Variants in EP400 observed in about 807,000 individuals in gnomAD.
EP400 encodes E1A-binding protein p400.
In EP400, 105 loss-of-function variants were observed where a neutral mutation model predicts 354.1. The observed-to-expected ratio is 0.30, with a 90% CI of 0.25 to 0.35. The LOEUF (loss-of-function observed/expected upper bound fraction) is 0.35, where lower values mean the gene tolerates loss of function less well. EP400 is among the 10% of genes least tolerant of loss of function. The pLI is 1.00. For missense variants in EP400, 3,280 were observed against 4,121.0 expected, an observed-to-expected ratio of 0.80 and a Z score of 5.59; for synonymous variants, 1,646 against 1,716.9, an observed-to-expected ratio of 0.96 and a Z score of 1.02.
At chr12:132,058,139 G>C (rs1274103037) in intron 45 of EP400, among the ~76,000 whole-genome samples, 2 of 151,760 alleles carry the variant, frequency 1.3e-5, no homozygotes, top group Non-Finnish European at 2.9e-5. Flanking sequence ...CTGAATGCAG[G>C]GCCAGTCTTG....
chr12:131,986,073 C>G (rs2136497520), intron 5 of EP400, among the ~76,000 whole-genome samples: 1 of 152,290 alleles, frequency 6.6e-6, no homozygotes, highest in South Asian at 2.1e-4. Flanking sequence ...CTCCCAGGCT[C>G]AAGCAGTCCT....
chr12:132,050,895 G>A lies in EP400; in HGVS notation c.7394+240G>A. 1 of 583,498 alleles carries A rather than the reference G, an allele frequency of 1.7e-6. No homozygotes were observed. 36.1% of individuals were successfully genotyped at this position (583,498 alleles called of 1,614,324 possible). ...GATTGTCCTTGCTGGCCCTCAGTGG[G>A]GAAAGACGCTGACAGATGTGATGAG... On this transcript the variant is annotated intron_variant, in intron 41 of 52. Coordinates refer to ENST00000389561, the MANE Select transcript of EP400 (RefSeq NM_015409.5). The surrounding 1 kb of genome is among the most constrained non-coding windows in gnomAD (Gnocchi z 4.8).
In EP400 at chr12:132,067,180, T is replaced by A; in HGVS notation, c.8750-182T>A. ...TGTTAACATTCTGAAATTTCCGTCT[T>A]AATTTAAGTGTAATTTGTGAACCCA... On this transcript the variant is annotated intron_variant, in intron 49 of 52. Transcript: ENST00000389561. The surrounding 1 kb of genome is among the most constrained non-coding windows in gnomAD (Gnocchi z 5.3). 1 of 1,178,912 alleles carries A rather than the reference T, an allele frequency of 8.5e-7. No homozygotes were observed. The highest frequency in any genetic ancestry group is 1.2e-6 in the Non-Finnish European group (1 of 846,698). The allele number at this position is 1,178,912 out of a possible 1,614,324, so 73.0% of individuals were successfully genotyped here. A position where few individuals can be genotyped will look rare whatever the true frequency, so the allele number is the denominator to read the frequency against.
intron 51 of EP400, among the ~76,000 whole-genome samples, chr12:132,069,906 C>T (rs1012048887): frequency 6.6e-6 from 1 of 152,192 alleles, no homozygotes; most frequent in African/African-American, 2.4e-5. Flanking sequence ...CAGCTGCCCT[C>T]TCCCAGTTCC....
Position 132,005,253 on chromosome 12 carries a change from A to AT in EP400, c.2935+70dup. On this transcript the variant is annotated intron_variant, in intron 13 of 52. Coordinates refer to ENST00000389561, the MANE Select transcript of EP400 (RefSeq NM_015409.5). ...GCCGGAGTACTTACAAAGACTTAAA[A>AT]TAAGATTTAGAAAATTTCTTTTAGT... 6.0e-6 allele frequency: 7 copies of AT among 1,164,716 alleles called. No individual in the cohort carries two copies. In the South Asian group the frequency reaches 1.3e-4, roughly 22 times the overall value. The allele number at this position is 1,164,716 out of a possible 1,614,324, so 72.1% of individuals were successfully genotyped here.
Position 132,032,025 on chromosome 12 carries a change from G to C in EP400, c.5827G>C (p.Gly1943Arg). 6.2e-7 allele frequency: 1 copy of C among 1,614,204 alleles called. No individual in the cohort carries two copies. The change falls in exon 30 of 53, where the codon GGT becomes CGT. Residue 1943 changes from glycine to arginine, a missense_variant. By Grantham distance (125) the Gly-to-Arg change is moderately radical (BLOSUM62 -2). Coordinates refer to ENST00000389561, the MANE Select transcript of EP400 (RefSeq NM_015409.5). Reference sequence around the variant, plus strand: ...TCTCTCCACTCACAGCCGTACCACAGGTATAAACCTTGTAGAGGCGGACAC... The same window carrying C: ...TCTCTCCACTCACAGCCGTACCACACGTATAAACCTTGTAGAGGCGGACAC... ...AILSTHSRTTGINLVEADTVV... is the reference protein window; with the variant it reads ...AILSTHSRTTRINLVEADTVV...
At chr12:131,957,126 C>CA (rs1365572844) in intron 1 of EP400, among the ~76,000 whole-genome samples, 1 of 152,110 alleles carries the variant, frequency 6.6e-6, no homozygotes, top group Non-Finnish European at 1.5e-5. Flanking sequence ...CCACCTCAGC[C>CA]TCCCAAAGTG....
Position 131,960,707 on chromosome 12 carries a change from G to GGGGCCCCCCCCCCC in EP400, c.88_89insGGGCCCCCCCCCCC (p.Ala30GlyfsTer37). 1.3e-6 allele frequency: 2 copies of GGGGCCCCCCCCCCC among 1,545,588 alleles called. No homozygotes were observed. The highest frequency in any genetic ancestry group is 1.7e-6 in the Non-Finnish European group (2 of 1,146,244). On this transcript the variant is annotated frameshift_variant, in exon 2 of 53. Transcript: ENST00000389561. LOFTEE classifies it high-confidence loss of function. ...TGGCAGCGAGGGTGAGGAGCAGCCG[G>GGGGCCCCCCCCCCC]CCCACCCCAACCCACCCCCGTCCCC...
intron 51 of EP400, 187 bp from the exon 52 acceptor site, chr12:132,076,329 G>T: frequency 1.5e-6 from 1 of 664,556 alleles, no homozygotes; most frequent in Non-Finnish European, 2.8e-6. Context: ...GCAGTCAGTT[G>T]ACTCACCATG....
At position 132,030,178 on chromosome 12, in the gene EP400, C is replaced by T; in HGVS notation, c.5754+20C>T. ...CGGCAGGTGAGAAGCACATTGTTTA[C>T]ATTGTCTCTGATGGGTCAGTCACTG... On this transcript the variant is annotated intron_variant, in intron 29 of 52. Transcript: ENST00000389561. The T allele has an allele frequency of 6.2e-7, 1 of 1,613,466 alleles. No individual in the cohort carries two copies. The highest frequency in any genetic ancestry group is 2.2e-5 in the East Asian group (1 of 44,890).
chr12:132,042,639 C>T (rs1894952839), intron 32 of EP400, among the ~76,000 whole-genome samples: 1 of 152,198 alleles, frequency 6.6e-6, no homozygotes, highest in Non-Finnish European at 1.5e-5. Context: ...ACAGATTGTA[C>T]CAGTTTTTAA....
chr12:132,020,163 C>CCCGCTT lies in EP400; in HGVS notation c.4394_4399dup (p.Pro1465_Leu1466dup), dbSNP rs1204988856. ...CCACGGCCTCTGCTGCTCCACAGGG[C>CCCGCTT]CCGCTTCGAGGACGGCCGCCCATCG... On this transcript the variant is annotated inframe_insertion, in exon 22 of 53. Transcript: ENST00000389561. 6.2e-7 allele frequency: 1 copy of CCCGCTT among 1,611,110 alleles called. No individual in the cohort carries two copies. The highest frequency in any genetic ancestry group is 1.3e-5 in the African/African-American group (1 of 74,874).
chr12:131,987,348 C>G (rs1342746828), intron 6 of EP400, among the ~76,000 whole-genome samples: 1 of 152,204 alleles, frequency 6.6e-6, no homozygotes, highest in Non-Finnish European at 1.5e-5. Flanking sequence ...TATCCCACTC[C>G]TTTCCAGATT....
At chr12:132,024,997 C>T (rs890045196) in intron 24 of EP400, among the ~76,000 whole-genome samples, 5 of 152,034 alleles carry the variant, frequency 3.3e-5, no homozygotes, top group African/African-American at 9.7e-5. Flanking sequence ...GAGACACACA[C>T]GTCTCAGCAG....
chr12:132,046,513 A>G (rs1895102480), intron 39 of EP400, among the ~76,000 whole-genome samples: 1 of 152,218 alleles, frequency 6.6e-6, no homozygotes, highest in Admixed American at 6.5e-5. Flanking sequence ...TTTGACAAGC[A>G]TAATATTCTC....
Position 132,077,811 on chromosome 12 carries a change from C to T in EP400, c.*138C>T. 1 of 1,134,086 alleles carries T rather than the reference C, an allele frequency of 8.8e-7. No individual in the cohort carries two copies. Among genetic ancestry groups the T allele is most frequent in the Non-Finnish European group, 1.2e-6 (1 of 825,434 alleles). 70.3% of individuals were successfully genotyped at this position (1,134,086 alleles called of 1,614,324 possible). A position where few individuals can be genotyped will look rare whatever the true frequency, so the allele number is the denominator to read the frequency against. On this transcript the variant is annotated 3_prime_UTR_variant, in exon 53 of 53. Transcript: ENST00000389561. ...TATAATTGAAACAAAATAGTGTAAT[C>T]ATTTTATTAAAATGCATCCCACACT...
At position 132,020,193 on chromosome 12, in the gene EP400, G is replaced by A. The variant is rs757167643; in HGVS notation, c.4422G>A (p.Thr1474=). The change falls in exon 22 of 53, where the codon ACG becomes ACA. Residue 1474 remains threonine, a synonymous_variant. Transcript: ENST00000389561. ...GPLRGRPPIA[T]FSANPEAKAA... ...TTCGAGGACGGCCGCCCATCGCCAC[G>A]TTCTCTGCCAATCCGGAGGCAAAAG... is the stretch of plus-strand genomic sequence containing the variant. 3.7e-6 allele frequency: 6 copies of A among 1,608,622 alleles called. No homozygotes were observed. The highest frequency in any genetic ancestry group is 4.2e-6 in the Non-Finnish European group (5 of 1,177,816).
intron 51 of EP400, among the ~76,000 whole-genome samples, chr12:132,071,312 G>A (rs1341455402): frequency 6.6e-6 from 1 of 152,006 alleles, no homozygotes; most frequent in African/African-American, 2.4e-5. Flanking sequence ...CATGTCTGTA[G>A]CCACTTACTG....
Position 132,067,042 on chromosome 12 carries a change from G to GCC in EP400, c.8749+74_8749+75dup, listed in dbSNP as rs1400876816. The GCC allele has an allele frequency of 6.9e-7, 1 of 1,442,006 alleles. No homozygotes were observed. Among genetic ancestry groups the GCC allele is most frequent in the African/African-American group, 1.4e-5 (1 of 69,752 alleles). The allele number at this position is 1,442,006 out of a possible 1,614,324, so 89.3% of individuals were successfully genotyped here. ...ACAGGCCTCTCTGGTGGCAGTGGTC[G>GCC]CCAGCGACCCGTGTTCTTTCCTCAC... On this transcript the variant is annotated intron_variant, in intron 49 of 52. Coordinates refer to ENST00000389561, the MANE Select transcript of EP400 (RefSeq NM_015409.5). This position sits in a 1 kb window ranked among gnomAD's most constrained non-coding sequence, Gnocchi z 5.3.
Sources: allele counts gnomAD v4.1 joint callset (sites outside exome capture counted in the v4.1 genomes callset), GRCh38; gene constraint gnomAD v4.1.1; non-coding constraint Gnocchi (gnomAD v3.1); transcripts MANE v1.5; gene names NCBI Gene and HGNC (gene_info 2026-07-23, HGNC 2026-07-21).